The following CDH18 variants were observed in gnomAD, a reference collection of about 807,000 sequenced individuals.
The protein encoded by CDH18 is cadherin-18.
Under a neutral mutation model 67.9 loss-of-function variants are expected in CDH18, and 31 were observed. That is an observed-to-expected ratio of 0.46 (90% confidence interval 0.34 to 0.62). CDH18 has a LOEUF of 0.62. CDH18 is among the 20% of genes least tolerant of loss of function. The pLI is 0.01. For synonymous variants in CDH18, 362 were observed against 347.2 expected (o/e 1.04, Z -0.48); for missense variants, 890 against 975.5 (o/e 0.91, Z 1.17).
At chr5:20,241,544 T>A (rs1296592260) in intron 2 of CDH18, among the ~76,000 whole-genome samples, 1 of 152,030 alleles carries the variant, frequency 6.6e-6, no homozygotes. Context: ...CAGAGATGAA[T>A]ATATATGTAT....
At position 19,624,018 on chromosome 5, in the gene CDH18, T is replaced by TATTATTATG. The variant is rs1554062540; in HGVS notation, c.644-11418_644-11417insCATAATAAT. Reference sequence around the variant, plus strand: ...TTATTATTATTATTATTATTATTATTATTATTGAGATGGAGTTTCACTCTT... The same window carrying TATTATTATG: ...TTATTATTATTATTATTATTATTATTATTATTATGATTATTGAGATGGAGTTTCACTCTT... On this transcript the variant is annotated intron_variant, in intron 5 of 12. Coordinates refer to ENST00000382275, the MANE Select transcript of CDH18 (RefSeq NM_004934.5). 5.4e-4 allele frequency among the ~76,000 whole-genome samples: 80 copies of TATTATTATG among 148,356 alleles called. 1 individual carries two copies. In the East Asian group the frequency reaches 8.4e-3, roughly 16 times the overall value.
intron 3 of CDH18, among the ~76,000 whole-genome samples, chr5:19,766,116 C>A (rs143832395): frequency 2.6e-5 from 4 of 152,094 alleles, no homozygotes; most frequent in Admixed American, 1.3e-4. Context: ...TGACCTCAGG[C>A]GATCTGCCTG....
chr5:19,573,493 T>C (rs779627171), intron 7 of CDH18, among the ~76,000 whole-genome samples: 25 of 152,186 alleles, frequency 1.6e-4, no homozygotes, highest in Non-Finnish European at 4.4e-5. Context: ...TTAGCCAGGA[T>C]GGTCTCGATC....
intron 1 of CDH18, among the ~76,000 whole-genome samples, chr5:20,522,104 G>A (rs1004641646): frequency 6.6e-6 from 1 of 152,096 alleles, no homozygotes; most frequent in African/African-American, 2.4e-5. Context: ...TACAGAGAAA[G>A]ACGTCAGAAA....
chr5:19,574,864 C>T (rs1195898753), intron 7 of CDH18, among the ~76,000 whole-genome samples: 1 of 152,002 alleles, frequency 6.6e-6, no homozygotes, highest in Non-Finnish European at 1.5e-5. Context: ...CACGGTGACA[C>T]CCTGTCTTTA....
At chr5:19,972,678 C>A (rs1798139988) in intron 2 of CDH18, among the ~76,000 whole-genome samples, 1 of 151,816 alleles carries the variant, frequency 6.6e-6, no homozygotes, top group Non-Finnish European at 1.5e-5. Flanking sequence ...GGTGTAGGAA[C>A]ATAAATTAGT....
intron 2 of CDH18, among the ~76,000 whole-genome samples, chr5:20,139,255 C>T (rs1580331059): frequency 6.6e-6 from 1 of 152,140 alleles, no homozygotes; most frequent in South Asian, 2.1e-4. Flanking sequence ...GGAAAACTGG[C>T]TAGCCATATG....
At chr5:20,503,010 G>A (rs201746762) in intron 1 of CDH18, among the ~76,000 whole-genome samples, 7 of 145,160 alleles carry the variant, frequency 4.8e-5, no homozygotes, top group African/African-American at 1.5e-4. Context: ...TAGAAAAAAA[G>A]GGGGTTATTC....
At chr5:20,568,544 T>A (rs1758639823) in intron 1 of CDH18, among the ~76,000 whole-genome samples, 1 of 152,090 alleles carries the variant, frequency 6.6e-6, no homozygotes, top group Non-Finnish European at 1.5e-5. Flanking sequence ...CTAAACTTTA[T>A]GAAAAAGAAT....
rs143896565 is a variant in CDH18, at chr5:20,485,821, A to C, written c.-580+89641T>G. On this transcript the variant is annotated intron_variant, in intron 1 of 14. Coordinates refer to the CDH18 transcript ENST00000507958. ...GTAGGAAAAACATGTCATAGTTAACATAACAAATGAAGTAGCAATTTCATA... is the reference window on the plus strand; with the variant it reads ...GTAGGAAAAACATGTCATAGTTAACCTAACAAATGAAGTAGCAATTTCATA... Among the ~76,000 whole-genome samples, 55 of 152,338 alleles carry C rather than the reference A, an allele frequency of 3.6e-4. 2 individuals are homozygous for C. Among genetic ancestry groups the C allele is most frequent in the African/African-American group, 1.1e-3 (45 of 41,586 alleles).
intron 2 of CDH18, among the ~76,000 whole-genome samples, chr5:20,192,510 C>T (rs1333241098): frequency 6.6e-6 from 1 of 152,078 alleles, no homozygotes; most frequent in Admixed American, 6.6e-5. Context: ...TTTAATGCAT[C>T]TTTACTTAAT....
intron 2 of CDH18, among the ~76,000 whole-genome samples, chr5:20,144,705 C>T (rs569663255): frequency 2.6e-5 from 4 of 151,938 alleles, no homozygotes; most frequent in African/African-American, 7.3e-5. Flanking sequence ...AATTCTGTCC[C>T]GCAAAAATGT....
At chr5:19,980,849 T>G (rs1798964826) in intron 2 of CDH18, among the ~76,000 whole-genome samples, 1 of 152,134 alleles carries the variant, frequency 6.6e-6, no homozygotes, top group South Asian at 2.1e-4. Context: ...AAAACTCAGG[T>G]CTTTACTTCT....
At chr5:20,239,412 T>C (rs1742719969) in intron 2 of CDH18, among the ~76,000 whole-genome samples, 1 of 152,158 alleles carries the variant, frequency 6.6e-6, no homozygotes, top group Admixed American at 6.5e-5. Flanking sequence ...GCCAAGATCA[T>C]GCTACTGCAC....
At position 20,222,700 on chromosome 5, in the gene CDH18, G is replaced by A. The variant is rs148206594; in HGVS notation, c.-518+32744C>T. Reference sequence around the variant, plus strand: ...CCTTTTTTTTTTCAATAGTGTGTACGCCAACTATGTAATTAAGAGTTTGAA... The same window carrying A: ...CCTTTTTTTTTTCAATAGTGTGTACACCAACTATGTAATTAAGAGTTTGAA... On this transcript the variant is annotated intron_variant, in intron 2 of 14. Transcript: ENST00000507958. Among the ~76,000 whole-genome samples the A allele has an allele frequency of 6.6e-5, 10 of 151,208 alleles. No individual in the cohort carries two copies. In the East Asian group the frequency reaches 1.6e-3, roughly 24 times the overall value.
chr5:19,859,989 G>GGTGTGTGTGTGTGTGTGTGTGTGT (rs3065070), intron 2 of CDH18, among the ~76,000 whole-genome samples: 1 of 143,148 alleles, frequency 7.0e-6, no homozygotes, highest in Non-Finnish European at 1.5e-5. Context: ...GTTTGCTTTG[G>GGTGTGTGTGTGTGTGTGTGTGTGT]GTGTGTGTGT....
chr5:20,543,979 A>G (rs936999183), intron 1 of CDH18, among the ~76,000 whole-genome samples: 1 of 152,192 alleles, frequency 6.6e-6, no homozygotes, highest in Non-Finnish European at 1.5e-5. Context: ...AATATAGAAC[A>G]CATATTTATT....
chr5:20,168,874 T>C (rs1477986309), intron 2 of CDH18, among the ~76,000 whole-genome samples: 1 of 151,994 alleles, frequency 6.6e-6, no homozygotes, highest in Non-Finnish European at 1.5e-5. Context: ...TTACGGTAAA[T>C]GAAATAAGCC....
intron 2 of CDH18, among the ~76,000 whole-genome samples, chr5:20,233,216 A>G (rs1742211445): frequency 1.3e-5 from 2 of 150,940 alleles, no homozygotes; most frequent in Admixed American, 6.6e-5. Flanking sequence ...TATTCTCATA[A>G]GGAGTAATAT....
Sources: allele counts gnomAD v4.1 joint callset (sites outside exome capture counted in the v4.1 genomes callset), GRCh38; gene constraint gnomAD v4.1.1; transcripts MANE v1.5; gene names NCBI Gene and HGNC (gene_info 2026-07-23, HGNC 2026-07-21).